The following CYP4F8 variants were observed in gnomAD, a reference collection of about 807,000 sequenced individuals.
The protein encoded by CYP4F8 is cytochrome P450 4F8.
In CYP4F8, 56 loss-of-function variants were observed where a neutral mutation model predicts 55.0. The ratio of observed to expected loss-of-function variants is 1.02; its 90% CI spans 0.82 to 1.27. CYP4F8 has a LOEUF of 1.27. CYP4F8 is among the 50% of genes most tolerant of loss of function. The probability of loss-of-function intolerance (pLI) is 0.00; values close to 1 mark genes in which losing one functional copy is unlikely to be tolerated. For synonymous variants in CYP4F8, 288 were observed against 267.3 expected (o/e 1.08, Z -0.76); for missense variants, 680 against 682.4 (o/e 1.00, Z 0.04).
intron 5 of CYP4F8, 118 bp from the exon 6 acceptor site, chr19:15,622,087 TCCCTGAGGATGGGG>T: frequency 8.0e-7 from 1 of 1,242,654 alleles, no homozygotes; most frequent in Non-Finnish European, 1.1e-6. Flanking sequence ...AGCGTAGTCC[TCCCTGAGGATGGGG>T]GTCTGGGACA....
At chr19:15,619,003 T>C (rs1490193793) in intron 3 of CYP4F8, 1 of 170,458 alleles carries the variant, frequency 5.9e-6, no homozygotes, top group Admixed American at 5.4e-5. Context: ...TCCACGGCTC[T>C]CTATGGGTGC....
intron 3 of CYP4F8, 21 bp downstream of exon 3, chr19:15,618,165 G>T (rs767259222): frequency 6.2e-7 from 1 of 1,614,052 alleles, no homozygotes; most frequent in African/African-American, 1.3e-5. Flanking sequence ...AGAGCTTGTG[G>T]TGGTGGGCAC....
At chr19:15,618,242 C>G (rs1306790739) in intron 3 of CYP4F8, 98 bp downstream of exon 3, 4 of 1,557,496 alleles carry the variant, frequency 2.6e-6, no homozygotes, top group African/African-American at 1.4e-5. Flanking sequence ...TAGTACTCAG[C>G]CCCTTCCTTC....
intron 5 of CYP4F8, among the ~76,000 whole-genome samples, chr19:15,620,164 C>T (rs1972175723): frequency 1.3e-5 from 2 of 152,176 alleles, no homozygotes; most frequent in African/African-American, 2.4e-5. Context: ...TAGGATCCCT[C>T]ATGGTATAAG....
chr19:15,622,670 T>C, intron 6 of CYP4F8: 2 of 365,016 alleles, frequency 5.5e-6, no homozygotes, highest in South Asian at 5.6e-5. Context: ...GGGAGATGCA[T>C]TTTATCCAAG....
intron 2 of CYP4F8, 126 bp downstream of exon 2, chr19:15,615,940 T>G: frequency 1.0e-6 from 1 of 961,010 alleles, no homozygotes; most frequent in Non-Finnish European, 1.4e-6. Context: ...CACTCACTCA[T>G]TCCTCTTCCC....
At chr19:15,626,272 C>T (rs1412138338) in intron 9 of CYP4F8, among the ~76,000 whole-genome samples, 1 of 152,208 alleles carries the variant, frequency 6.6e-6, no homozygotes, top group Non-Finnish European at 1.5e-5. Context: ...CACATCTTTC[C>T]TTGGCCATGT....
chr19:15,617,977 G>A (rs769018600), intron 2 of CYP4F8, 23 bp from the exon 3 acceptor site: 1 of 1,610,800 alleles, frequency 6.2e-7, no homozygotes. Flanking sequence ...CACAGGAGGT[G>A]ATGGCCCTTG....
chr19:15,628,056 G>A (rs369879017), intron 9 of CYP4F8: 63 of 541,042 alleles, frequency 1.2e-4, no homozygotes, highest in African/African-American at 3.9e-4. Context: ...ACTGCACCCC[G>A]CCGGAATGAA....
chr19:15,616,977 A>G (rs1197326833), intron 2 of CYP4F8, among the ~76,000 whole-genome samples: 1 of 152,160 alleles, frequency 6.6e-6, no homozygotes, highest in Non-Finnish European at 1.5e-5. Flanking sequence ...TTCCTGACAG[A>G]CAGTTAGAGC....
chr19:15,626,324 A>G (rs1201165692), intron 9 of CYP4F8, among the ~76,000 whole-genome samples: 1 of 152,000 alleles, frequency 6.6e-6, no homozygotes, highest in Non-Finnish European at 1.5e-5. Flanking sequence ...TGTGCACCCC[A>G]CTGTCAGTGC....
intron 6 of CYP4F8, 130 bp from the exon 7 acceptor site, chr19:15,622,975 C>A: frequency 8.9e-7 from 1 of 1,123,280 alleles, no homozygotes; most frequent in African/African-American, 1.6e-5. Flanking sequence ...GAGTGGGAGG[C>A]AGAGAGTGAA....
chr19:15,623,939 C>A (rs757978220), intron 8 of CYP4F8, 26 bp from the exon 9 acceptor site: 1 of 1,612,800 alleles, frequency 6.2e-7, no homozygotes, highest in East Asian at 2.2e-5. Context: ...AGCCCAGAGA[C>A]TCAAGCCTGC....
chr19:15,618,598 TA>T, intron 3 of CYP4F8: 1 of 324,248 alleles, frequency 3.1e-6, no homozygotes, highest in South Asian at 2.6e-5. Context: ...ATTTTTTTTT[TA>T]AAGCAGGGGC....
rs775421424 is a variant in CYP4F8 at position 15,623,785 on chromosome 19, G to A, written c.985+20G>A. The A allele has an allele frequency of 1.9e-6, 3 of 1,612,886 alleles. No individual in the cohort carries two copies. Among genetic ancestry groups the A allele is most frequent in the Non-Finnish European group, 2.5e-6 (3 of 1,179,910 alleles). On this transcript the variant is annotated intron_variant, in intron 8 of 12. Coordinates refer to ENST00000612078, the MANE Select transcript of CYP4F8 (RefSeq NM_007253.4). ...TTGGAGGTGAGTGTCCCAGTCTGGGGCTACAGTGGGGACAGGGGTCTCTCC... is the reference window on the plus strand; with the variant it reads ...TTGGAGGTGAGTGTCCCAGTCTGGGACTACAGTGGGGACAGGGGTCTCTCC...
At chr19:15,619,570 G>A (rs373761835) in intron 4 of CYP4F8, 27 bp downstream of exon 4, 6 of 1,614,026 alleles carry the variant, frequency 3.7e-6, no homozygotes, top group Non-Finnish European at 1.7e-6. Context: ...GGACGGGACG[G>A]GGACCAACTT....
chr19:15,624,224 A>C (rs943736909), intron 9 of CYP4F8, 130 bp downstream of exon 9: 3 of 1,440,158 alleles, frequency 2.1e-6, no homozygotes, highest in African/African-American at 1.4e-5. Context: ...TGGGAATAGG[A>C]GTAGAGCCCA....
In CYP4F8 at chr19:15,628,604, C is replaced by A; in HGVS notation, c.1314+9C>A. 8 of 1,613,096 alleles carry A rather than the reference C, an allele frequency of 5.0e-6. No homozygotes were observed. The highest frequency in any genetic ancestry group is 6.8e-6 in the Non-Finnish European group (8 of 1,179,436). On this transcript the variant is annotated intron_variant, in intron 11 of 12. Transcript: ENST00000612078. ...TCTGGCCAGACCCTGAGGTGCTGCCCCTCCCTGTTTCTCCATCCCCCGGGC... is the reference window on the plus strand; with the variant it reads ...TCTGGCCAGACCCTGAGGTGCTGCCACTCCCTGTTTCTCCATCCCCCGGGC...
At chr19:15,629,051 ACATGGGGGTCC>A in intron 12 of CYP4F8, 131 bp from the exon 13 acceptor site, 1 of 1,323,360 alleles carries the variant, frequency 7.6e-7, no homozygotes, top group Non-Finnish European at 1.0e-6. Flanking sequence ...ATGCAAGCCC[ACATGGGGGTCC>A]CAGACCCAGC....
Sources: gnomAD v4.1 joint callset for allele counts (sites outside exome capture counted in the v4.1 genomes callset) on GRCh38, gnomAD v4.1.1 for gene constraint, MANE v1.5 for transcripts, NCBI Gene and HGNC (gene_info 2026-07-23, HGNC 2026-07-21) for gene names.